ANK3: variants seen among roughly 807,000 people sequenced by gnomAD.
The protein encoded by ANK3 is ankyrin 3, also known as ankyrin-3.
Under a neutral mutation model 370.9 loss-of-function variants are expected in ANK3, and 57 were observed. That is an observed-to-expected ratio of 0.15 (90% CI 0.12 to 0.19). ANK3 has a LOEUF of 0.19. ANK3 is among the 10% of genes least tolerant of loss of function. The pLI is 1.00. For synonymous variants in ANK3, 1,929 were observed against 1,946.3 expected, an observed-to-expected ratio of 0.99 and a Z score of 0.23; for missense variants, 4,439 against 5,302.1, an observed-to-expected ratio of 0.84 and a Z score of 5.06.
chr10:60,656,176 C>T (rs966015531), intron 1 of ANK3, among the ~76,000 whole-genome samples: 2 of 152,152 alleles, frequency 1.3e-5, no homozygotes, highest in African/African-American at 4.8e-5. Flanking sequence ...ACAAACTTAA[C>T]ATTTTAAATA....
intron 2 of ANK3, among the ~76,000 whole-genome samples, chr10:60,573,361 T>TACCAACCA (rs200827585): frequency 2.0e-5 from 3 of 152,046 alleles, no homozygotes; most frequent in Non-Finnish European, 1.5e-5. Flanking sequence ...TCCATGAATA[T>TACCAACCA]ACCAACCAAC....
intron 2 of ANK3, among the ~76,000 whole-genome samples, chr10:60,476,379 G>T (rs1344756664): frequency 5.9e-5 from 9 of 152,086 alleles, no homozygotes; most frequent in Non-Finnish European, 1.3e-4. Context: ...ATTTCTGTAG[G>T]CACAGCACAT....
At chr10:60,200,947 C>T (rs7081073) in intron 12 of ANK3, among the ~76,000 whole-genome samples, 115,852 of 152,160 alleles carry the variant, frequency 0.76, 44,154 homozygotes, top group East Asian at 0.85. Context: ...AGATTCTAAT[C>T]CAGATTACTT....
At chr10:60,215,892 AT>A (rs764487160) in intron 8 of ANK3, among the ~76,000 whole-genome samples, 19 of 152,216 alleles carry the variant, frequency 1.2e-4, no homozygotes, top group Non-Finnish European at 2.6e-4. Context: ...AAGAATGTCA[AT>A]GGTAGTTTGA....
chr10:60,123,050 C>A (rs1451703670), intron 25 of ANK3, among the ~76,000 whole-genome samples: 4 of 152,042 alleles, frequency 2.6e-5, no homozygotes, highest in African/African-American at 9.7e-5. Context: ...ACCTATTAGC[C>A]CTGAGAGTAA....
At chr10:60,191,404 A>G (rs2096478077) in intron 16 of ANK3, among the ~76,000 whole-genome samples, 1 of 152,196 alleles carries the variant, frequency 6.6e-6, no homozygotes, top group South Asian at 2.1e-4. Context: ...AAATCCATTA[A>G]AAAGAAGGCA....
At chr10:60,240,193 T>TAC (rs1489747733) in intron 7 of ANK3, among the ~76,000 whole-genome samples, 5 of 130,684 alleles carry the variant, frequency 3.8e-5, no homozygotes, top group African/African-American at 1.2e-4. Context: ...CACATATATA[T>TAC]ACACACACAC....
intron 7 of ANK3, among the ~76,000 whole-genome samples, chr10:60,253,582 C>T (rs1472494495): frequency 6.6e-6 from 1 of 152,190 alleles, no homozygotes; most frequent in Non-Finnish European, 1.5e-5. Flanking sequence ...TCTATGTAAA[C>T]ATGCATCTCC....
chr10:60,289,724 G>T (rs1350865821), intron 1 of ANK3, among the ~76,000 whole-genome samples: 2 of 152,132 alleles, frequency 1.3e-5, no homozygotes, highest in Non-Finnish European at 2.9e-5. Flanking sequence ...AGAAACTAAA[G>T]ATGAGAGGCT....
chr10:60,593,808 CA>C lies in ANK3; in HGVS notation c.96+21377del, dbSNP rs1242059181. 2.0e-5 allele frequency among the ~76,000 whole-genome samples: 3 copies of C among 151,880 alleles called. No individual in the cohort carries two copies. In the East Asian group the frequency reaches 5.8e-4, roughly 29 times the overall value. On this transcript the variant is annotated intron_variant, in intron 2 of 43. Transcript: ENST00000373827. ...TTTAATCCATTAATTTTTCTGCTGA[CA>C]AAAAAAGCTACAAACAGGAAAATGA...
rs78900296 is a variant in ANK3 at position 60,577,345 on chromosome 10, G to A, written c.96+37841C>T. Among the ~76,000 whole-genome samples, 1,403 of 152,006 alleles carry A rather than the reference G, an allele frequency of 9.2e-3. 26 individuals carry two copies. The highest frequency in any genetic ancestry group is 0.031 in the African/African-American group (1,305 of 41,498). ...GATTTACAAATACTAAAGCCTCAGCGTATAATTGTATTGATATGGTTTGGC... is the reference window on the plus strand; with the variant it reads ...GATTTACAAATACTAAAGCCTCAGCATATAATTGTATTGATATGGTTTGGC... On this transcript the variant is annotated intron_variant, in intron 2 of 43. Transcript: ENST00000373827.
At chr10:60,721,362 A>G (rs2079860792) in intron 1 of ANK3, among the ~76,000 whole-genome samples, 2 of 152,212 alleles carry the variant, frequency 1.3e-5, no homozygotes, top group South Asian at 2.1e-4. Context: ...GGCAGACTGC[A>G]TTTAAAGAAA....
intron 1 of ANK3, among the ~76,000 whole-genome samples, chr10:60,708,634 C>T (rs540828415): frequency 4.7e-4 from 71 of 152,278 alleles, no homozygotes; most frequent in African/African-American, 1.5e-3. Flanking sequence ...TTGCCAGAGC[C>T]TAACTGACTT....
Position 60,302,081 on chromosome 10 carries a change from T to C in ANK3, c.115-22442A>G, listed in dbSNP as rs1283858741. Among the ~76,000 whole-genome samples the C allele has an allele frequency of 2.6e-5, 4 of 152,106 alleles. No individual in the cohort carries two copies. In the South Asian group the frequency reaches 6.2e-4, roughly 24 times the overall value. On this transcript the variant is annotated intron_variant, in intron 1 of 43. Coordinates refer to ENST00000280772, the MANE Select transcript of ANK3 (RefSeq NM_020987.5). Reference sequence around the variant, plus strand: ...GGGTACAGTGGGGGAGGAAAAACAATGAATAAAACTGAGAAAATCCCTATT... The same window carrying C: ...GGGTACAGTGGGGGAGGAAAAACAACGAATAAAACTGAGAAAATCCCTATT...
At chr10:60,605,470 G>A (rs2078116048) in intron 2 of ANK3, among the ~76,000 whole-genome samples, 1 of 151,892 alleles carries the variant, frequency 6.6e-6, no homozygotes, top group Non-Finnish European at 1.5e-5. Context: ...AAATAAAAAG[G>A]AAAATAGAGA....
At chr10:60,475,593 A>G (rs1285600982) in intron 2 of ANK3, among the ~76,000 whole-genome samples, 1 of 152,248 alleles carries the variant, frequency 6.6e-6, no homozygotes, top group Non-Finnish European at 1.5e-5. Flanking sequence ...TTTGTAAAGA[A>G]AAGCCAAATA....
chr10:60,607,903 C>T (rs541928401), intron 2 of ANK3, among the ~76,000 whole-genome samples: 18 of 152,258 alleles, frequency 1.2e-4, no homozygotes, highest in African/African-American at 3.9e-4. Context: ...TACCTAATGT[C>T]GTTATCAGCC....
intron 26 of ANK3, among the ~76,000 whole-genome samples, chr10:60,110,051 T>C (rs2132099746): frequency 6.6e-6 from 1 of 152,288 alleles, no homozygotes; most frequent in South Asian, 2.1e-4. Flanking sequence ...CACAGATTAC[T>C]ACTAGCACAG....
At chr10:60,472,207 C>T (rs1201815553) in intron 2 of ANK3, among the ~76,000 whole-genome samples, 1 of 152,144 alleles carries the variant, frequency 6.6e-6, no homozygotes, top group African/African-American at 2.4e-5. Context: ...TGGTTAAGCA[C>T]CACTGCAATC....
Sources: gnomAD v4.1 joint callset for allele counts (sites outside exome capture counted in the v4.1 genomes callset) on GRCh38, gnomAD v4.1.1 for gene constraint, MANE v1.5 for transcripts, NCBI Gene and HGNC (gene_info 2026-07-23, HGNC 2026-07-21) for gene names.